PCDHGA3: variants seen among roughly 807,000 people sequenced by gnomAD.
PCDHGA3 encodes the protein protocadherin gamma subfamily A, 3.
Under a neutral mutation model 58.5 loss-of-function variants are expected in PCDHGA3, and 40 were observed. The ratio of observed to expected loss-of-function variants is 0.68; its 90% CI spans 0.53 to 0.89. The LOEUF (loss-of-function observed/expected upper bound fraction) is 0.89, where lower values mean the gene tolerates loss of function less well. PCDHGA3 is among the 40% of genes least tolerant of loss of function. The pLI is 0.00. For synonymous variants in PCDHGA3, 530 were observed against 525.7 expected, an observed-to-expected ratio of 1.01 and a Z score of -0.11; for missense variants, 1,223 against 1,195.9, an observed-to-expected ratio of 1.02 and a Z score of -0.33.
intron 1 of PCDHGA3, chr5:141,422,771 T>C (rs2096671394): frequency 6.2e-7 from 1 of 1,613,954 alleles, no homozygotes; most frequent in Non-Finnish European, 8.5e-7. Flanking sequence ...ACTGGTGTTC[T>C]CTATGCCCTA....
chr5:141,438,337 T>C (rs935624931), intron 1 of PCDHGA3, among the ~76,000 whole-genome samples: 25 of 151,926 alleles, frequency 1.6e-4, no homozygotes, highest in Non-Finnish European at 1.9e-4. Context: ...ACATGTCATA[T>C]AAGGATCTAC....
In PCDHGA3 at chr5:141,486,172, T is replaced by C; in HGVS notation, c.2425-8635T>C. ...GGGGTTCTCCAGCCATGGAGCAACA[T>C]TGCAGCCTTCGAGTGGATCTGCTGG... On this transcript the variant is annotated intron_variant, in intron 1 of 3. Transcript: ENST00000253812. The surrounding 1 kb of genome is among the most constrained non-coding windows in gnomAD (Gnocchi z 5.0). 3 of 1,614,212 alleles carry C rather than the reference T, an allele frequency of 1.9e-6. No homozygotes were observed. Among genetic ancestry groups the C allele is most frequent in the Admixed American group, 1.7e-5 (1 of 60,036 alleles).
chr5:141,384,221 A>C, intron 1 of PCDHGA3: 1 of 1,613,936 alleles, frequency 6.2e-7, no homozygotes, highest in Non-Finnish European at 8.5e-7. Flanking sequence ...ATATTCATGC[A>C]GGTGGCAGAC....
chr5:141,394,115 T>A, intron 1 of PCDHGA3: 1 of 1,613,954 alleles, frequency 6.2e-7, no homozygotes, highest in Non-Finnish European at 8.5e-7. Context: ...CTCTGTCCAC[T>A]GAAACTCAAA....
chr5:141,376,169 G>C (rs779538880), intron 1 of PCDHGA3: 1 of 1,614,106 alleles, frequency 6.2e-7, no homozygotes, highest in South Asian at 1.1e-5. Flanking sequence ...CCTGGTGGTG[G>C]CGGTGGCCGC....
chr5:141,383,054 T>C, intron 1 of PCDHGA3: 3 of 1,613,872 alleles, frequency 1.9e-6, no homozygotes, highest in Non-Finnish European at 2.5e-6. Flanking sequence ...GCCAAGGACC[T>C]GGGGCTGGAG....
chr5:141,425,835 T>C (rs536839515), intron 1 of PCDHGA3, among the ~76,000 whole-genome samples: 1 of 152,256 alleles, frequency 6.6e-6, no homozygotes, highest in Admixed American at 6.5e-5. Flanking sequence ...TTTTAAATTC[T>C]CTTTGCTGGG....
chr5:141,366,708 T>G (rs374131113), intron 1 of PCDHGA3: 2 of 1,614,120 alleles, frequency 1.2e-6, no homozygotes, highest in African/African-American at 1.3e-5. Context: ...CCTCTTCTGA[T>G]GTCTGATAAG....
rs1179408656 is a variant in PCDHGA3, at chr5:141,395,537, A to ATTGT, written c.2424+49085_2424+49088dup. 1,010 of 243,944 alleles carry ATTGT rather than the reference A, an allele frequency of 4.1e-3. 17 individuals are homozygous for ATTGT. In the African/African-American group the frequency reaches 0.049, roughly 12 times the overall value. The allele number at this position is 243,944 out of a possible 1,614,324, so 15.1% of individuals were successfully genotyped here. On this transcript the variant is annotated intron_variant, in intron 1 of 3. Coordinates refer to ENST00000253812, the MANE Select transcript of PCDHGA3 (RefSeq NM_018916.4). ...ACCCGTCCATACTGGTAATTTTGCT[A>ATTGT]TTGTTTGTGTGTGTGTGTGTGTGTG... is the stretch of plus-strand genomic sequence containing the variant.
chr5:141,415,654 A>G, intron 1 of PCDHGA3: 1 of 1,573,242 alleles, frequency 6.4e-7, no homozygotes. Flanking sequence ...AAAAAAAAAG[A>G]TTGGTTTTTA....
chr5:141,477,867 C>CGGT lies in PCDHGA3; in HGVS notation c.2425-16940_2425-16939insGGT. On this transcript the variant is annotated intron_variant, in intron 1 of 3. Transcript: ENST00000253812. This position sits in a 1 kb window ranked among gnomAD's most constrained non-coding sequence, Gnocchi z 4.9. ...TCGGTGGAGATGCTGCCTCGAGGTA[C>CGGT]CTCAGCTGGCCACCTAGTGTCACGG... 6.2e-7 allele frequency: 1 copy of CGGT among 1,613,614 alleles called. No homozygotes were observed. Among genetic ancestry groups the CGGT allele is most frequent in the Non-Finnish European group, 8.5e-7 (1 of 1,179,854 alleles).
chr5:141,376,034 C>T, intron 1 of PCDHGA3: 1 of 1,613,128 alleles, frequency 6.2e-7, no homozygotes, highest in South Asian at 1.1e-5. Context: ...GGACCACGGC[C>T]AGCCCCCTCT....
Position 141,432,880 on chromosome 5 carries a change from C to T in PCDHGA3, c.2425-61927C>T, listed in dbSNP as rs865848752. ...CGGTCTCCTGCGTCTTCCTGGCCTT[C>T]GTCATCTTGCTGCTGGCGCTCAGGC... On this transcript the variant is annotated intron_variant, in intron 1 of 3. Transcript: ENST00000253812. The surrounding 1 kb of genome is among the most constrained non-coding windows in gnomAD (Gnocchi z 6.0). 1 of 1,614,194 alleles carries T rather than the reference C, an allele frequency of 6.2e-7. No individual in the cohort carries two copies. Among genetic ancestry groups the T allele is most frequent in the Non-Finnish European group, 8.5e-7 (1 of 1,180,008 alleles).
intron 1 of PCDHGA3, chr5:141,415,732 T>G (rs1159160519): frequency 5.0e-6 from 7 of 1,411,138 alleles, no homozygotes; most frequent in Non-Finnish European, 6.5e-6. Context: ...AATTTGATGT[T>G]TATTAAGGTT....
intron 1 of PCDHGA3, among the ~76,000 whole-genome samples, chr5:141,406,621 A>G (rs2094831746): frequency 6.6e-6 from 1 of 152,172 alleles, no homozygotes; most frequent in African/African-American, 2.4e-5. Flanking sequence ...TTTTATTCTC[A>G]TATCTTCAAA....
intron 3 of PCDHGA3, among the ~76,000 whole-genome samples, chr5:141,509,636 C>T (rs1199892148): frequency 6.6e-6 from 1 of 152,164 alleles, no homozygotes; most frequent in Non-Finnish European, 1.5e-5. Context: ...TGATGCTGAG[C>T]CAGGGCCAGA....
intron 1 of PCDHGA3, chr5:141,375,368 A>T (rs774708513): frequency 6.2e-7 from 1 of 1,613,754 alleles, no homozygotes; most frequent in Non-Finnish European, 8.5e-7. Context: ...GGACAAAGGA[A>T]CACCACCTCT....
intron 1 of PCDHGA3, chr5:141,419,964 T>A (rs151105903): frequency 1.2e-6 from 2 of 1,613,964 alleles, no homozygotes; most frequent in African/African-American, 2.7e-5. Context: ...ATTTCTGTGC[T>A]CTTTCTCCTC....
chr5:141,356,987 G>GAGGTC (rs1760419659), intron 1 of PCDHGA3: 1 of 1,614,186 alleles, frequency 6.2e-7, no homozygotes, highest in Non-Finnish European at 8.5e-7. Context: ...GCAGTGGACA[G>GAGGTC]AGACTCAGGT....
Sources: allele counts gnomAD v4.1 joint callset (sites outside exome capture counted in the v4.1 genomes callset), GRCh38; gene constraint gnomAD v4.1.1; non-coding constraint Gnocchi (gnomAD v3.1); transcripts MANE v1.5; gene names NCBI Gene and HGNC (gene_info 2026-07-23, HGNC 2026-07-21).